PDGFD: variants seen among roughly 807,000 people sequenced by gnomAD.
PDGFD encodes platelet-derived growth factor D.
PDGFD carries 30 observed loss-of-function variants against 44.7 expected under a neutral mutation model. That is an observed-to-expected ratio of 0.67 (90% CI 0.50 to 0.91). PDGFD has a LOEUF of 0.91. Among genes scored for constraint, PDGFD ranks in the 40% least tolerant of loss-of-function variants. The pLI is 0.00. For missense variants in PDGFD, 445 were observed against 457.8 expected, an observed-to-expected ratio of 0.97 and a Z score of 0.25; for synonymous variants, 173 against 168.4, an observed-to-expected ratio of 1.03 and a Z score of -0.21.
chr11:104,078,839 A>G (rs1807372309), intron 1 of PDGFD, among the ~76,000 whole-genome samples: 1 of 56,710 alleles, frequency 1.8e-5, no homozygotes, highest in Admixed American at 1.6e-4. Flanking sequence ...GAGGGAAGAA[A>G]GATTATACCA....
At chr11:103,996,952 C>T (rs1440148187) in intron 2 of PDGFD, among the ~76,000 whole-genome samples, 3 of 152,124 alleles carry the variant, frequency 2.0e-5, no homozygotes, top group African/African-American at 7.2e-5. Flanking sequence ...AAACTAGAAT[C>T]CTGGGATTCA....
At chr11:104,141,926 T>G (rs1273350693) in intron 1 of PDGFD, among the ~76,000 whole-genome samples, 1 of 152,172 alleles carries the variant, frequency 6.6e-6, no homozygotes, top group African/African-American at 2.4e-5. Context: ...GTTGTGCAAT[T>G]TAATCCAGAA....
intron 3 of PDGFD, among the ~76,000 whole-genome samples, chr11:103,979,371 A>T (rs78130654): frequency 0.024 from 3,611 of 152,082 alleles, 151 homozygotes; most frequent in African/African-American, 0.083. Flanking sequence ...TTTCCAGATC[A>T]GCTTCTCTTT....
chr11:104,008,380 A>G (rs1009427461), intron 1 of PDGFD, among the ~76,000 whole-genome samples: 1 of 152,162 alleles, frequency 6.6e-6, no homozygotes, highest in Non-Finnish European at 1.5e-5. Context: ...ACATTTTATT[A>G]TATTAGCATT....
intron 1 of PDGFD, among the ~76,000 whole-genome samples, chr11:104,105,661 T>C (rs1193715499): frequency 6.6e-6 from 1 of 152,022 alleles, no homozygotes; most frequent in Non-Finnish European, 1.5e-5. Context: ...ATAGAGGTGA[T>C]GGCTCATATA....
intron 1 of PDGFD, among the ~76,000 whole-genome samples, chr11:104,067,905 T>C (rs1236346634): frequency 1.3e-5 from 2 of 152,154 alleles, no homozygotes; most frequent in African/African-American, 4.8e-5. Context: ...TTTTGCTTTA[T>C]TTCTTTGGTT....
intron 1 of PDGFD, among the ~76,000 whole-genome samples, chr11:104,117,981 G>A (rs924175279): frequency 1.3e-5 from 2 of 151,822 alleles, no homozygotes; most frequent in African/African-American, 4.8e-5. Context: ...GTTCATTGCT[G>A]GTTTATTGTA....
Position 104,158,206 on chromosome 11 carries a change from A to C in PDGFD, c.124+5598T>G, listed in dbSNP as rs114013204. On this transcript the variant is annotated intron_variant, in intron 1 of 6. Transcript: ENST00000393158. ...ATTGCAAAATACATTTTCTCAAGTA[A>C]AACTCTTATGATGAACACACATATG... 7.6e-3 allele frequency among the ~76,000 whole-genome samples: 1,153 copies of C among 152,342 alleles called. 8 individuals carry two copies. Among genetic ancestry groups the C allele is most frequent in the African/African-American group, 0.025 (1,027 of 41,574 alleles).
chr11:104,100,672 C>G (rs1861363889), intron 1 of PDGFD, among the ~76,000 whole-genome samples: 2 of 152,108 alleles, frequency 1.3e-5, no homozygotes. Flanking sequence ...GACCAATATC[C>G]CTGATGAACA....
chr11:103,971,969 T>C (rs1859110306), intron 3 of PDGFD, among the ~76,000 whole-genome samples: 1 of 152,190 alleles, frequency 6.6e-6, no homozygotes, highest in Admixed American at 6.5e-5. Flanking sequence ...TTTTGGTTTG[T>C]GCAAATTTCC....
rs534442766 is a variant in PDGFD, at chr11:104,104,741, T to C, written c.124+59063A>G. Among the ~76,000 whole-genome samples the C allele has an allele frequency of 3.9e-5, 6 of 152,180 alleles. No homozygotes were observed. The South Asian group carries it at 6.2e-4, about 16-fold the overall frequency. On this transcript the variant is annotated intron_variant, in intron 1 of 6. Coordinates refer to ENST00000393158, the MANE Select transcript of PDGFD (RefSeq NM_025208.5). The stretch of plus-strand genomic sequence containing the variant: ...AAGAAAATGCCTATATTTCTGACAA[T>C]GTATCCCCATTGTTGAGTGATTCAT...
chr11:104,123,524 A>G (rs1861805328), intron 1 of PDGFD, among the ~76,000 whole-genome samples: 1 of 152,074 alleles, frequency 6.6e-6, no homozygotes, highest in Non-Finnish European at 1.5e-5. Flanking sequence ...ACAGGCATCT[A>G]TTATTAATAA....
chr11:104,116,407 G>A (rs1215594584), intron 1 of PDGFD, among the ~76,000 whole-genome samples: 1 of 151,950 alleles, frequency 6.6e-6, no homozygotes, highest in Non-Finnish European at 1.5e-5. Flanking sequence ...TTTTATACCA[G>A]TACCACGCTG....
In PDGFD at chr11:104,154,484, C is replaced by T. The variant is rs367995000; in HGVS notation, c.124+9320G>A. Among the ~76,000 whole-genome samples the T allele has an allele frequency of 3.1e-4, 47 of 152,122 alleles. No homozygotes were observed. The East Asian group carries it at 6.8e-3, about 22-fold the overall frequency. ...TAAATCACAGTGACTTCACCCAGAGCGTTTCCGTGGAGCAGTGGGGATGAT... is the reference window on the plus strand; with the variant it reads ...TAAATCACAGTGACTTCACCCAGAGTGTTTCCGTGGAGCAGTGGGGATGAT... On this transcript the variant is annotated intron_variant, in intron 1 of 6. Transcript: ENST00000393158.
chr11:103,945,331 G>A (rs1858653212), intron 4 of PDGFD, among the ~76,000 whole-genome samples: 1 of 152,096 alleles, frequency 6.6e-6, no homozygotes, highest in Admixed American at 6.6e-5. Flanking sequence ...GCTGAACCCT[G>A]ACTGACACAC....
At chr11:104,079,480 C>T (rs556622048) in intron 1 of PDGFD, among the ~76,000 whole-genome samples, 38 of 152,164 alleles carry the variant, frequency 2.5e-4, no homozygotes, top group Admixed American at 3.9e-4. Flanking sequence ...CTCCGGCTCC[C>T]GGGTTCAAGT....
intron 1 of PDGFD, among the ~76,000 whole-genome samples, chr11:104,147,690 A>G (rs534099582): frequency 6.6e-6 from 1 of 152,212 alleles, no homozygotes; most frequent in Admixed American, 6.5e-5. Flanking sequence ...AAGGCCACTA[A>G]CTCCAAGGAG....
At chr11:104,017,455 T>C (rs565630261) in intron 1 of PDGFD, among the ~76,000 whole-genome samples, 19 of 152,242 alleles carry the variant, frequency 1.2e-4, no homozygotes, top group African/African-American at 4.6e-4. Context: ...CAGCCCATGT[T>C]TTAGTCTCTA....
intron 1 of PDGFD, among the ~76,000 whole-genome samples, chr11:104,053,803 A>G (rs1274870683): frequency 6.6e-6 from 1 of 152,216 alleles, no homozygotes; most frequent in Admixed American, 6.5e-5. Flanking sequence ...AAATTTGATG[A>G]ATCTATAAAA....
Sources: gnomAD v4.1 joint callset for allele counts (sites outside exome capture counted in the v4.1 genomes callset) on GRCh38, gnomAD v4.1.1 for gene constraint, MANE v1.5 for transcripts, NCBI Gene and HGNC (gene_info 2026-07-23, HGNC 2026-07-21) for gene names.